Variants in HERC2 observed in about 807,000 individuals in gnomAD.
HERC2 encodes HECT and RLD domain containing E3 ubiquitin protein ligase 2, also known as E3 ubiquitin-protein ligase HERC2.
HERC2 carries 102 observed loss-of-function variants against 537.7 expected under a neutral mutation model. That is an observed-to-expected ratio of 0.19 (90% CI 0.16 to 0.22). The LOEUF is 0.22. HERC2 is among the 10% of genes least tolerant of loss of function. The pLI, the probability that HERC2 is intolerant of heterozygous loss-of-function variation, is 1.00. For missense variants in HERC2, 4,236 were observed against 6,198.2 expected (o/e 0.68, Z 10.63); for synonymous variants, 2,224 against 2,466.2 (o/e 0.90, Z 2.91).
In HERC2 at chr15:28,111,346, T is replaced by C. The variant is rs897037194; in HGVS notation, c.*417A>G. The C allele has an allele frequency of 5.8e-6, 1 of 173,768 alleles. No homozygotes were observed. Among genetic ancestry groups the C allele is most frequent in the Admixed American group, 6.1e-5 (1 of 16,292 alleles). The allele number at this position is 173,768 out of a possible 1,614,324, so 10.8% of individuals were successfully genotyped here. ...ATTAATTGAAATATTTATAATACGA[T>C]TTGTTACACAGTTATTTCCAATATA... On this transcript the variant is annotated 3_prime_UTR_variant, in exon 93 of 93. Transcript: ENST00000261609.
At chr15:28,126,558 G>T (rs534602056) in intron 83 of HERC2, among the ~76,000 whole-genome samples, 10 of 152,310 alleles carry the variant, frequency 6.6e-5, no homozygotes, top group Admixed American at 2.0e-4. Flanking sequence ...CCATAAAAAG[G>T]AATGAAATGA....
In HERC2 at chr15:28,248,645, A is replaced by G; in HGVS notation, c.3142T>C (p.Ser1048Pro). 6.2e-7 allele frequency: 1 copy of G among 1,614,006 alleles called. No homozygotes were observed. The highest frequency in any genetic ancestry group is 8.5e-7 in the Non-Finnish European group (1 of 1,179,824). The change falls in exon 21 of 93, where the codon TCT becomes CCT. Residue 1048 changes from serine to proline, a missense_variant. Physicochemically the swap from Ser to Pro is moderately conservative, Grantham distance 74. Coordinates refer to ENST00000261609, the MANE Select transcript of HERC2 (RefSeq NM_004667.6). ...LDFEQHSRER[S>P]ASLDLLLRFQ... is the part of the protein sequence containing the mutation. ...CGCAGTAACAAATCCAATGAAGCAG[A>G]TCTTTCACGACTGTGTTGCTCAAAG...
At chr15:28,277,350 C>G (rs2075901442) in intron 5 of HERC2, among the ~76,000 whole-genome samples, 1 of 151,944 alleles carries the variant, frequency 6.6e-6, no homozygotes, top group Non-Finnish European at 1.5e-5. Flanking sequence ...AAATTAACAC[C>G]CTCGTTGTGA....
Position 28,269,392 on chromosome 15 carries a change from T to G in HERC2, c.1302A>C (p.Lys434Asn). 1 of 1,614,196 alleles carries G rather than the reference T, an allele frequency of 6.2e-7. No homozygotes were observed. Among genetic ancestry groups the G allele is most frequent in the Non-Finnish European group, 8.5e-7 (1 of 1,180,024 alleles). ...EVIGWGLIGW[K>N]YYANVIGPIQ... ...TTGGACCAATCACATTGGCATAGTA[T>G]TTCCATCCTATTAACCCCCAACCTA... Residue 434 changes from lysine to asparagine, a missense_variant, in exon 11 of 93, where the codon AAA becomes AAC. Lys to Asn is a moderately conservative substitution (Grantham distance 94, BLOSUM62 0). This residue lies in a region of HERC2 where 491 missense variants were observed against 559.3 expected (regional missense o/e 0.88). Coordinates refer to ENST00000261609, the MANE Select transcript of HERC2 (RefSeq NM_004667.6).
chr15:28,140,113 C>G (rs1891062704), intron 78 of HERC2, among the ~76,000 whole-genome samples: 1 of 151,858 alleles, frequency 6.6e-6, no homozygotes, highest in Non-Finnish European at 1.5e-5. Context: ...AAGAACATTT[C>G]AAAACACGTA....
chr15:28,207,775 C>A (rs889512526), intron 44 of HERC2, among the ~76,000 whole-genome samples: 25 of 151,976 alleles, frequency 1.6e-4, no homozygotes, highest in Admixed American at 1.6e-3. Flanking sequence ...AGCTGGAAAT[C>A]TTTCTCTTAA....
chr15:28,176,343 G>T lies in HERC2; in HGVS notation c.9686+85C>A. On this transcript the variant is annotated intron_variant, in intron 63 of 92. Coordinates refer to ENST00000261609, the MANE Select transcript of HERC2 (RefSeq NM_004667.6). The surrounding 1 kb of genome is among the most constrained non-coding windows in gnomAD (Gnocchi z 5.0). Reference sequence around the variant, plus strand: ...TAAAAAGAGGACACGTCACAATCACGCCGGGTGAGCCTGGGGCGAGGCCCA... The same window carrying T: ...TAAAAAGAGGACACGTCACAATCACTCCGGGTGAGCCTGGGGCGAGGCCCA... 2.4e-6 allele frequency: 3 copies of T among 1,270,300 alleles called. No homozygotes were observed. The highest frequency in any genetic ancestry group is 1.1e-6 in the Non-Finnish European group (1 of 889,444). 78.7% of individuals were successfully genotyped at this position (1,270,300 alleles called of 1,614,324 possible).
intron 48 of HERC2, 66 bp from the exon 49 acceptor site, chr15:28,198,835 T>C (rs1383734381): frequency 7.9e-6 from 11 of 1,390,064 alleles, no homozygotes; most frequent in South Asian, 3.9e-5. Context: ...CCATGATAAG[T>C]AGTATTACTC....
At chr15:28,243,391 G>A (rs1463733951) in intron 23 of HERC2, among the ~76,000 whole-genome samples, 1 of 152,118 alleles carries the variant, frequency 6.6e-6, no homozygotes, top group Non-Finnish European at 1.5e-5. Flanking sequence ...AAACAAACTG[G>A]ATTTCACGAA....
chr15:28,232,565 AG>A (rs1382039141), intron 30 of HERC2, among the ~76,000 whole-genome samples: 1 of 151,990 alleles, frequency 6.6e-6, no homozygotes, highest in Non-Finnish European at 1.5e-5. Context: ...AAAAAAAAAA[AG>A]AATATAATCA....
intron 2 of HERC2, among the ~76,000 whole-genome samples, chr15:28,304,250 T>G (rs188082077): frequency 6.6e-6 from 1 of 151,724 alleles, no homozygotes; most frequent in Non-Finnish European, 1.5e-5. Flanking sequence ...TTTACTGAAT[T>G]TATCAGTTCT....
At chr15:28,193,619 C>A (rs1051147646) in intron 52 of HERC2, among the ~76,000 whole-genome samples, 4 of 152,084 alleles carry the variant, frequency 2.6e-5, no homozygotes, top group African/African-American at 9.7e-5. Context: ...AGAAGCCCTA[C>A]CAACCCCAAG....
At chr15:28,149,185 C>T (rs556581419) in intron 70 of HERC2, among the ~76,000 whole-genome samples, 31 of 151,932 alleles carry the variant, frequency 2.0e-4, no homozygotes, top group African/African-American at 6.3e-4. Flanking sequence ...GCCACACGAA[C>T]GCACATTCTA....
At position 28,172,558 on chromosome 15, in the gene HERC2, C is replaced by G. The variant is rs140777239; in HGVS notation, c.10057+1837G>C. 3.9e-3 allele frequency among the ~76,000 whole-genome samples: 596 copies of G among 152,328 alleles called. 6 individuals carry two copies. The highest frequency in any genetic ancestry group is 0.014 in the African/African-American group (566 of 41,566). On this transcript the variant is annotated intron_variant, in intron 65 of 92. Transcript: ENST00000261609. ...TTTTCAACAAATACAACTGAAACAA[C>G]TGGACAATCATGCCAAAAAAAGCCT...
chr15:28,179,135 A>C lies in HERC2; in HGVS notation c.9019+7T>G, dbSNP rs775406892. On this transcript the variant is annotated splice_region_variant and intron_variant, in intron 58 of 92. Coordinates refer to ENST00000261609, the MANE Select transcript of HERC2 (RefSeq NM_004667.6). ...TTAAAAATTTTTTAAGATTAGAATA[A>C]TCATACCTGCAAACAAACTTTTAGA... The C allele has an allele frequency of 6.2e-7, 1 of 1,610,252 alleles. No individual in the cohort carries two copies. Among genetic ancestry groups the C allele is most frequent in the Non-Finnish European group, 8.5e-7 (1 of 1,178,458 alleles).
rs540444645 is a variant in HERC2, at chr15:28,128,754, C to T, written c.12802+1409G>A. ...CTTTCGCTCTGCAGGTGAGAAGCCC[C>T]GCATGGGTCTGTCTCCCTTCCCAGA... On this transcript the variant is annotated intron_variant, in intron 83 of 92. Transcript: ENST00000261609. 7.6e-4 allele frequency among the ~76,000 whole-genome samples: 115 copies of T among 152,270 alleles called. 1 individual carries two copies. Among genetic ancestry groups the T allele is most frequent in the African/African-American group, 2.7e-3 (111 of 41,558 alleles).
At chr15:28,199,546 T>C (rs1897694331) in intron 48 of HERC2, among the ~76,000 whole-genome samples, 1 of 152,144 alleles carries the variant, frequency 6.6e-6, no homozygotes, top group South Asian at 2.1e-4. Flanking sequence ...AGAAGAGAAT[T>C]CCAGCTAATG....
In HERC2 at chr15:28,241,048, T is replaced by C. The variant is rs565331229; in HGVS notation, c.3578-2276A>G. ...CAACAAAAGGAAAAAAATAGGTAAG[T>C]TGGACTTGATCAAAATCGAATACTT... On this transcript the variant is annotated intron_variant, in intron 23 of 92. Coordinates refer to ENST00000261609, the MANE Select transcript of HERC2 (RefSeq NM_004667.6). Among the ~76,000 whole-genome samples the C allele has an allele frequency of 2.8e-4, 43 of 152,172 alleles. 1 individual carries two copies. The South Asian group carries it at 8.5e-3, about 30-fold the overall frequency.
chr15:28,143,735 C>T (rs1448555776), intron 74 of HERC2, 138 bp downstream of exon 74: 49 of 1,086,920 alleles, frequency 4.5e-5, no homozygotes, highest in Admixed American at 1.5e-4. Context: ...CATGAGCCAC[C>T]GCGCCCGGTC....
Sources: allele counts gnomAD v4.1 joint callset (sites outside exome capture counted in the v4.1 genomes callset), GRCh38; gene constraint gnomAD v4.1.1; regional missense constraint gnomAD v4.1.1; non-coding constraint Gnocchi (gnomAD v3.1); transcripts MANE v1.5; gene names NCBI Gene and HGNC (gene_info 2026-07-23, HGNC 2026-07-21).